The following SARDH variants were observed in gnomAD, a reference collection of about 807,000 sequenced individuals.
SARDH encodes the protein sarcosine dehydrogenase, mitochondrial.
SARDH carries 95 observed loss-of-function variants against 109.1 expected under a neutral mutation model. The ratio of observed to expected loss-of-function variants is 0.87; its 90% CI spans 0.74 to 1.03. The LOEUF is 1.03. Ranked by LOEUF, SARDH falls within the 50% of genes least tolerant of loss-of-function variation. The pLI, the probability that SARDH is intolerant of heterozygous loss-of-function variation, is 0.00. For missense variants in SARDH, 1,267 were observed against 1,287.8 expected (o/e 0.98, Z 0.25); for synonymous variants, 572 against 534.8 (o/e 1.07, Z -0.96).
chr9:133,666,746 T>C lies in SARDH; in HGVS notation c.2620A>G (p.Ser874Gly), dbSNP rs753401759. ...TIAYGYIHDPSGGPVSLDFVK... is the reference protein window; with the variant it reads ...TIAYGYIHDPGGGPVSLDFVK... The stretch of plus-strand genomic sequence containing the variant: ...AGAAGGGGACTCACCGGCCCACCGC[T>C]GGGGTCATGGATGTAACCGTAGGCG... Residue 874 changes from serine to glycine, a missense_variant, in exon 20 of 21, where the codon AGC becomes GGC. Transcript: ENST00000439388. The surrounding 1 kb of genome is among the most constrained non-coding windows in gnomAD (Gnocchi z 5.2). 38 of 1,594,172 alleles carry C rather than the reference T, an allele frequency of 2.4e-5. No homozygotes were observed. The highest frequency in any genetic ancestry group is 3.1e-5 in the Non-Finnish European group (36 of 1,170,792).
Position 133,709,862 on chromosome 9 carries a change from G to A in SARDH, c.1329-1434C>T, listed in dbSNP as rs571399791. On this transcript the variant is annotated intron_variant, in intron 10 of 20. Coordinates refer to ENST00000439388, the MANE Select transcript of SARDH (RefSeq NM_001134707.2). This position sits in a 1 kb window ranked among gnomAD's most constrained non-coding sequence, Gnocchi z 4.2. ...GTTCACAGTCACACGGCAAGGCCACGGCAAAGGCAGCCCACACCTGCGCCA... is the reference window on the plus strand; with the variant it reads ...GTTCACAGTCACACGGCAAGGCCACAGCAAAGGCAGCCCACACCTGCGCCA... Among the ~76,000 whole-genome samples, 11 of 152,230 alleles carry A rather than the reference G, an allele frequency of 7.2e-5. No homozygotes were observed. The highest frequency in any genetic ancestry group is 1.9e-4 in the East Asian group (1 of 5,170).
At chr9:133,687,803 G>C (rs1468653918) in intron 16 of SARDH, among the ~76,000 whole-genome samples, 1 of 152,194 alleles carries the variant, frequency 6.6e-6, no homozygotes. Context: ...TAACAATTCC[G>C]AAAGTGCAGC....
Position 133,697,527 on chromosome 9 carries a change from A to G in SARDH, c.1669-1166T>C, listed in dbSNP as rs565656083. Among the ~76,000 whole-genome samples the G allele has an allele frequency of 4.6e-5, 7 of 152,342 alleles. No homozygotes were observed. In the South Asian group the frequency reaches 1.4e-3, roughly 32 times the overall value. On this transcript the variant is annotated intron_variant, in intron 13 of 20. Coordinates refer to ENST00000439388, the MANE Select transcript of SARDH (RefSeq NM_001134707.2). ...ATAGATACAAAAAAATCCTCAACAA[A>G]ATACTAGTAAATCAAATCCAACAAC...
downstream of SARDH, among the ~76,000 whole-genome samples, chr9:133,660,951 C>T (rs1470230553): frequency 6.6e-6 from 1 of 152,128 alleles, no homozygotes; most frequent in Non-Finnish European, 1.5e-5. Context: ...GCCTGTAATC[C>T]CAGCACTTTG....
downstream of SARDH, among the ~76,000 whole-genome samples, chr9:133,660,601 T>G (rs1454142240): frequency 6.6e-6 from 1 of 152,210 alleles, no homozygotes; most frequent in African/African-American, 2.4e-5. Flanking sequence ...CTGCCCCTGC[T>G]GTGTGACCCT....
chr9:133,697,917 A>T (rs1327476050), intron 13 of SARDH, among the ~76,000 whole-genome samples: 1 of 152,016 alleles, frequency 6.6e-6, no homozygotes, highest in East Asian at 1.9e-4. Flanking sequence ...GGAAAAGAAA[A>T]ATAAAAGGCA....
At chr9:133,683,603 G>A (rs1830776271) in intron 17 of SARDH, among the ~76,000 whole-genome samples, 1 of 152,184 alleles carries the variant, frequency 6.6e-6, no homozygotes, top group South Asian at 2.1e-4. Flanking sequence ...GAGGCAGGAA[G>A]CAAGCTAGAC....
Position 133,681,965 on chromosome 9 carries a change from C to A in SARDH, c.2163+3228G>T, listed in dbSNP as rs1830711433. Among the ~76,000 whole-genome samples the A allele has an allele frequency of 1.3e-5, 2 of 150,636 alleles. 1 individual carries two copies. The highest frequency in any genetic ancestry group is 4.3e-4 in the South Asian group (2 of 4,636). On this transcript the variant is annotated intron_variant, in intron 17 of 20. Coordinates refer to ENST00000439388, the MANE Select transcript of SARDH (RefSeq NM_001134707.2). ...AGCCTAGAAAGCATTGTGCTTCTCT[C>A]CCACTCCGCCTGAGACCTAGGGTAG...
At chr9:133,711,963 C>T (rs961997472) in intron 10 of SARDH, among the ~76,000 whole-genome samples, 1 of 152,210 alleles carries the variant, frequency 6.6e-6, no homozygotes, top group Non-Finnish European at 1.5e-5. Flanking sequence ...CTGTGCTCTG[C>T]AAGAGATGGC....
rs773362759 is a variant in SARDH, at chr9:133,731,491, G to A, written c.511-7C>T. On this transcript the variant is annotated splice_region_variant and splice_polypyrimidine_tract_variant and intron_variant, in intron 3 of 20. Transcript: ENST00000439388. The stretch of plus-strand genomic sequence containing the variant: ...CACCATACGCCTTGCCCAGCTAGGG[G>A]GACCCAGGGGAGGTTAACTGAGTCC... The A allele has an allele frequency of 1.5e-5, 25 of 1,613,628 alleles. No individual in the cohort carries two copies. In the South Asian group the frequency reaches 2.7e-4, roughly 18 times the overall value.
chr9:133,725,705 A>AC (rs10671837), intron 6 of SARDH: 1 of 271,800 alleles, frequency 3.7e-6, no homozygotes, highest in Middle Eastern at 4.9e-4. Context: ...AAACAAACAA[A>AC]AAAGCAGTGT....
rs61737867 is a variant in SARDH at position 133,713,074 on chromosome 9, G to A, written c.1201C>T (p.Arg401Ter). 4.9e-4 allele frequency: 798 copies of A among 1,613,166 alleles called. 1 individual carries two copies. Among genetic ancestry groups the A allele is most frequent in the Admixed American group, 9.8e-4 (59 of 59,946 alleles). Residue 401 changes from arginine to a stop codon, truncating the protein, a stop_gained, in exon 9 of 21, where the codon CGA becomes TGA. Coordinates refer to ENST00000439388, the MANE Select transcript of SARDH (RefSeq NM_001134707.2). LOFTEE classifies it high-confidence loss of function. ...AAGCCACAGCCCAGGAAGAACCCTC[G>A]GAGCTCAGGTGCCTCCCCCATCAGG... Reference protein sequence around the residue: ...KPLMGEAPELRGFFLGCGFNS... With the variant: ...KPLMGEAPEL
rs1186706531 is a variant in SARDH, at chr9:133,693,435, C to G, written c.1921+823G>C. Among the ~76,000 whole-genome samples the G allele has an allele frequency of 6.6e-6, 1 of 152,210 alleles. No homozygotes were observed. Among genetic ancestry groups the G allele is most frequent in the Non-Finnish European group, 1.5e-5 (1 of 68,038 alleles). ...GAGTCAGGTCAAGAACCAGGAGATG[C>G]CAGGTTTTCTGAATGGGCTGAGCCC... On this transcript the variant is annotated intron_variant, in intron 15 of 20. Coordinates refer to ENST00000439388, the MANE Select transcript of SARDH (RefSeq NM_001134707.2). The surrounding 1 kb of genome is among the most constrained non-coding windows in gnomAD (Gnocchi z 5.6).
intron 17 of SARDH, among the ~76,000 whole-genome samples, chr9:133,680,382 G>A (rs929898250): frequency 1.3e-5 from 2 of 152,228 alleles, no homozygotes; most frequent in Non-Finnish European, 2.9e-5. Context: ...GCCCCCTACA[G>A]GGGGAGCTGG....
At chr9:133,702,110 G>A (rs936659962) in intron 13 of SARDH, among the ~76,000 whole-genome samples, 7 of 152,204 alleles carry the variant, frequency 4.6e-5, no homozygotes, top group African/African-American at 1.4e-4. Flanking sequence ...TGTCAGATTC[G>A]CAGTGAGGTG....
intron 8 of SARDH, 89 bp from the exon 9 acceptor site, chr9:133,713,213 G>A: frequency 8.6e-7 from 1 of 1,159,150 alleles, no homozygotes; most frequent in Non-Finnish European, 1.2e-6. Context: ...GATCAGGCAG[G>A]GTCTGCAGGG....
At chr9:133,713,145 C>T in intron 8 of SARDH, 21 bp from the exon 9 acceptor site, 6 of 1,599,950 alleles carry the variant, frequency 3.8e-6, no homozygotes, top group Non-Finnish European at 5.1e-6. Flanking sequence ...GAGAGAGAGG[C>T]CTGGAGTCCC....
chr9:133,700,253 A>AGAGGCAGAAGTTGCAGT (rs1417146786), intron 13 of SARDH, among the ~76,000 whole-genome samples: 1 of 152,164 alleles, frequency 6.6e-6, no homozygotes, highest in East Asian at 1.9e-4. Flanking sequence ...CTTGAACCTG[A>AGAGGCAGAAGTTGCAGT]GAGGCAGAAG....
rs377288612 is a variant in SARDH at position 133,730,047 on chromosome 9, A to C, written c.814+17T>G. ...CCAGCATGGCCACACAGGAGTCAGGAGAAATGCCACTCGCACCTGCACAGT... is the reference window on the plus strand; with the variant it reads ...CCAGCATGGCCACACAGGAGTCAGGCGAAATGCCACTCGCACCTGCACAGT... On this transcript the variant is annotated intron_variant, in intron 5 of 20. Coordinates refer to ENST00000439388, the MANE Select transcript of SARDH (RefSeq NM_001134707.2). The C allele has an allele frequency of 4.3e-6, 7 of 1,613,914 alleles. No homozygotes were observed. Among genetic ancestry groups the C allele is most frequent in the Non-Finnish European group, 5.9e-6 (7 of 1,179,850 alleles).
Sources: gnomAD v4.1 joint callset for allele counts (sites outside exome capture counted in the v4.1 genomes callset) on GRCh38, gnomAD v4.1.1 for gene constraint, Gnocchi (gnomAD v3.1) non-coding constraint, MANE v1.5 for transcripts, NCBI Gene and HGNC (gene_info 2026-07-23, HGNC 2026-07-21) for gene names.